SLX4IP: variants seen among roughly 807,000 people sequenced by gnomAD.
SLX4IP encodes the protein protein SLX4IP.
SLX4IP carries 34 observed loss-of-function variants against 32.9 expected under a neutral mutation model. The observed-to-expected ratio is 1.03, with a 90% CI of 0.79 to 1.38. The LOEUF is 1.38. SLX4IP is among the 40% of genes most tolerant of loss of function. The pLI is 0.00. For missense variants in SLX4IP, 444 were observed against 479.0 expected (o/e 0.93, Z 0.68); for synonymous variants, 172 against 171.7 (o/e 1.00, Z -0.01).
chr20:10,536,337 GAAC>G (rs1249040674), intron 2 of SLX4IP, among the ~76,000 whole-genome samples: 1 of 150,170 alleles, frequency 6.7e-6, no homozygotes, highest in Non-Finnish European at 1.5e-5. Flanking sequence ...AGGACAGCCT[GAAC>G]AACACAGCAA....
intron 1 of SLX4IP, among the ~76,000 whole-genome samples, chr20:10,453,781 G>C (rs749873874): frequency 1.3e-5 from 2 of 151,962 alleles, no homozygotes; most frequent in Non-Finnish European, 2.9e-5. Context: ...ATTTCACTGG[G>C]ATAGATGCTG....
At chr20:10,477,465 C>T (rs942401015) in intron 2 of SLX4IP, among the ~76,000 whole-genome samples, 1 of 152,150 alleles carries the variant, frequency 6.6e-6, no homozygotes, top group African/African-American at 2.4e-5. Context: ...TGGGGTTTAA[C>T]CATGTTAGCC....
chr20:10,458,042 G>T, intron 1 of SLX4IP, 134 bp from the exon 2 acceptor site: 1 of 492,650 alleles, frequency 2.0e-6, no homozygotes, highest in Non-Finnish European at 3.4e-6. Flanking sequence ...TTTTGGTTAA[G>T]GGCAATTATA....
At chr20:10,436,391 CTG>C (rs774154039) in intron 1 of SLX4IP, among the ~76,000 whole-genome samples, 13 of 151,740 alleles carry the variant, frequency 8.6e-5, no homozygotes, top group Non-Finnish European at 1.3e-4. Context: ...GAGTCTCGCT[CTG>C]TTGCCCAGGT....
chr20:10,436,127 A>C (rs1431028130), intron 1 of SLX4IP, among the ~76,000 whole-genome samples: 1 of 152,018 alleles, frequency 6.6e-6, no homozygotes, highest in Non-Finnish European at 1.5e-5. Context: ...AGACATAACG[A>C]TATTTGTAAG....
At chr20:10,457,173 C>A (rs2065291954) in intron 1 of SLX4IP, among the ~76,000 whole-genome samples, 1 of 152,042 alleles carries the variant, frequency 6.6e-6, no homozygotes, top group African/African-American at 2.4e-5. Context: ...CAGTTTATTT[C>A]TTTCTTCCTG....
chr20:10,613,662 A>C, intron 6 of SLX4IP: 9 of 1,613,584 alleles, frequency 5.6e-6, no homozygotes, highest in Non-Finnish European at 7.6e-6. Context: ...CTTTGCATTC[A>C]TCTTTTGTGT....
chr20:10,483,381 C>G (rs917826020), intron 2 of SLX4IP, among the ~76,000 whole-genome samples: 3 of 152,116 alleles, frequency 2.0e-5, no homozygotes, highest in Admixed American at 1.3e-4. Flanking sequence ...CTAGGCCTCC[C>G]AAAGTGCTGG....
chr20:10,447,823 C>T (rs901775913), intron 1 of SLX4IP, among the ~76,000 whole-genome samples: 36 of 151,106 alleles, frequency 2.4e-4, no homozygotes, highest in Non-Finnish European at 1.6e-4. Flanking sequence ...GCCTCAGTTT[C>T]CCATGTAGCT....
At chr20:10,479,203 TG>T (rs2065499827) in intron 2 of SLX4IP, among the ~76,000 whole-genome samples, 1 of 152,218 alleles carries the variant, frequency 6.6e-6, no homozygotes, top group African/African-American at 2.4e-5. Context: ...GAGGACAGTC[TG>T]GGTAAGTCAT....
rs57942782 is a variant in SLX4IP at position 10,512,778 on chromosome 20, CTATATATATATATATA to C, written c.28-43424_28-43409del. ...ATGTATATATATACACACACACACT[CTATATATATATATATA>C]TATATATATATATATATATATATAT... is the stretch of plus-strand genomic sequence containing the variant. On this transcript the variant is annotated intron_variant, in intron 2 of 7. Transcript: ENST00000334534. Among the ~76,000 whole-genome samples the C allele has an allele frequency of 4.1e-3, 105 of 25,646 alleles. 1 individual carries two copies. Among genetic ancestry groups the C allele is most frequent in the South Asian group, 0.014 (9 of 652 alleles). The allele number at this position is 25,646 out of a possible 152,430, so 16.8% of individuals were successfully genotyped here.
rs201967001 is a variant in SLX4IP, at chr20:10,459,227, AGTTT to A, written c.27+1001_27+1004del. On this transcript the variant is annotated intron_variant, in intron 2 of 7. Transcript: ENST00000334534. ...GGCGTCATTTGTTTTTTTTCTTGTA[AGTTT>A]GTTTAAGTTCCTTGTAGACTCTGGA... Among the ~76,000 whole-genome samples the A allele has an allele frequency of 4.6e-3, 697 of 151,804 alleles. 6 individuals carry two copies. Among genetic ancestry groups the A allele is most frequent in the African/African-American group, 0.016 (654 of 41,310 alleles).
At chr20:10,531,011 C>T (rs2065984269) in intron 2 of SLX4IP, among the ~76,000 whole-genome samples, 1 of 152,184 alleles carries the variant, frequency 6.6e-6, no homozygotes, top group Non-Finnish European at 1.5e-5. Flanking sequence ...CCTGTGCTAA[C>T]TAGGTTATAT....
intron 4 of SLX4IP, among the ~76,000 whole-genome samples, chr20:10,582,730 A>C (rs1365199249): frequency 6.6e-6 from 1 of 152,166 alleles, no homozygotes; most frequent in African/African-American, 2.4e-5. Flanking sequence ...TTTTGTTTAG[A>C]TTTCCTTTAA....
Position 10,619,123 on chromosome 20 carries a change from C to A in SLX4IP, c.406-2191C>A, listed in dbSNP as rs534085721. The stretch of plus-strand genomic sequence containing the variant: ...CTTCATACAAATGTAAATATGCCTC[C>A]TTCAACAAATTGCCAAATGTGGTTT... On this transcript the variant is annotated intron_variant, in intron 6 of 7. Coordinates refer to ENST00000334534, the MANE Select transcript of SLX4IP (RefSeq NM_001009608.3). Among the ~76,000 whole-genome samples, 3 of 152,212 alleles carry A rather than the reference C, an allele frequency of 2.0e-5. No individual in the cohort carries two copies. In the East Asian group the frequency reaches 5.8e-4, roughly 29 times the overall value.
chr20:10,588,454 A>G (rs1464326229), intron 4 of SLX4IP, among the ~76,000 whole-genome samples: 1 of 152,200 alleles, frequency 6.6e-6, no homozygotes, highest in East Asian at 1.9e-4. Flanking sequence ...GATTCTTCAG[A>G]AAAGTAGAAA....
intron 1 of SLX4IP, among the ~76,000 whole-genome samples, chr20:10,448,155 T>C (rs1456264904): frequency 5.3e-5 from 8 of 152,198 alleles, no homozygotes; most frequent in Admixed American, 5.2e-4. Context: ...TGTTCACTCA[T>C]AGAATTGACT....
At chr20:10,617,652 CT>C (rs549525000) in intron 6 of SLX4IP, among the ~76,000 whole-genome samples, 215 of 112,744 alleles carry the variant, frequency 1.9e-3, no homozygotes, top group East Asian at 4.4e-3. Flanking sequence ...TTCTTTCTTT[CT>C]TTTTTTTTTT....
intron 2 of SLX4IP, among the ~76,000 whole-genome samples, chr20:10,464,528 A>G (rs1391862109): frequency 6.6e-6 from 1 of 152,220 alleles, no homozygotes; most frequent in East Asian, 1.9e-4. Flanking sequence ...TAAATTAAAA[A>G]CAATAATAAT....
Sources: allele counts gnomAD v4.1 joint callset (sites outside exome capture counted in the v4.1 genomes callset), GRCh38; gene constraint gnomAD v4.1.1; transcripts MANE v1.5; gene names NCBI Gene and HGNC (gene_info 2026-07-23, HGNC 2026-07-21).